MRPS28: variants seen among roughly 807,000 people sequenced by gnomAD.
The protein encoded by MRPS28 is small ribosomal subunit protein bS1m.
MRPS28 carries 7 observed loss-of-function variants against 10.8 expected under a neutral mutation model. The observed-to-expected ratio is 0.65, with a 90% CI of 0.37 to 1.22. MRPS28 has a LOEUF of 1.22. Ranked by LOEUF, MRPS28 falls within the 50% of genes most tolerant of loss-of-function variation. The pLI is 0.02. For synonymous variants in MRPS28, 121 were observed against 93.3 expected (o/e 1.30, Z -1.71); for missense variants, 265 against 232.9 (o/e 1.14, Z -0.90).
At chr8:80,013,454 G>A (rs981388823) in intron 1 of MRPS28, among the ~76,000 whole-genome samples, 5 of 151,688 alleles carry the variant, frequency 3.3e-5, no homozygotes, top group African/African-American at 1.2e-4. Flanking sequence ...GACCAACATG[G>A]GGAAACCCTG....
At chr8:79,968,441 T>C (rs1291613039) in intron 2 of MRPS28, among the ~76,000 whole-genome samples, 1 of 152,144 alleles carries the variant, frequency 6.6e-6, no homozygotes, top group Non-Finnish European at 1.5e-5. Flanking sequence ...AACTTCCCAT[T>C]TGATTCTAGT....
chr8:80,005,498 G>A (rs1230229607), intron 1 of MRPS28, among the ~76,000 whole-genome samples: 2 of 152,164 alleles, frequency 1.3e-5, no homozygotes, highest in Non-Finnish European at 2.9e-5. Flanking sequence ...ACTAAACATG[G>A]AAAGGAACAA....
intron 2 of MRPS28, among the ~76,000 whole-genome samples, chr8:79,972,860 T>G (rs184172352): frequency 6.6e-6 from 1 of 152,202 alleles, no homozygotes. Context: ...ACAAGGGCTA[T>G]AGATAAATGT....
chr8:79,975,495 G>A (rs1454512160), intron 2 of MRPS28, among the ~76,000 whole-genome samples: 1 of 151,932 alleles, frequency 6.6e-6, no homozygotes, highest in Non-Finnish European at 1.5e-5. Context: ...ACAACAAACT[G>A]GAGTAAATTT....
intron 2 of MRPS28, among the ~76,000 whole-genome samples, chr8:79,975,366 T>G (rs1807766834): frequency 6.6e-6 from 1 of 152,164 alleles, no homozygotes; most frequent in African/African-American, 2.4e-5. Flanking sequence ...CACAGACCAC[T>G]ACTTTTACAA....
At chr8:79,995,415 C>T (rs1306865776) in intron 2 of MRPS28, among the ~76,000 whole-genome samples, 1 of 152,170 alleles carries the variant, frequency 6.6e-6, no homozygotes, top group Non-Finnish European at 1.5e-5. Context: ...TGCAAATTCA[C>T]TATAAGAATT....
At position 80,002,730 on chromosome 8, in the gene MRPS28, G is replaced by A. The variant is rs78005829; in HGVS notation, c.395+269C>T. Among the ~76,000 whole-genome samples the A allele has an allele frequency of 6.7e-3, 1,014 of 152,308 alleles. 15 individuals carry two copies. The South Asian group carries it at 0.067, about 10-fold the overall frequency. ...AGCAACATGCATTATTACAAAGTTG[G>A]TTTTAAGTTTATGGTGTGGAATGGC... On this transcript the variant is annotated intron_variant, in intron 2 of 2. Coordinates refer to ENST00000276585, the MANE Select transcript of MRPS28 (RefSeq NM_014018.3).
chr8:79,943,104 C>A (rs767491480), intron 2 of MRPS28, among the ~76,000 whole-genome samples: 2 of 152,202 alleles, frequency 1.3e-5, no homozygotes, highest in African/African-American at 4.8e-5. Flanking sequence ...GCTCTTCCCC[C>A]AGCTGTGAAG....
chr8:79,981,608 A>G (rs1807955589), intron 2 of MRPS28, among the ~76,000 whole-genome samples: 1 of 152,250 alleles, frequency 6.6e-6, no homozygotes, highest in Non-Finnish European at 1.5e-5. Context: ...TTTTGAGGTA[A>G]GACTAACTCT....
At chr8:79,950,431 A>G (rs1807051113) in intron 2 of MRPS28, among the ~76,000 whole-genome samples, 1 of 152,222 alleles carries the variant, frequency 6.6e-6, no homozygotes, top group South Asian at 2.1e-4. Flanking sequence ...AATTCATTAA[A>G]TATACTTTAG....
chr8:79,983,193 A>G (rs1294052200), intron 2 of MRPS28, among the ~76,000 whole-genome samples: 1 of 152,184 alleles, frequency 6.6e-6, no homozygotes, highest in Non-Finnish European at 1.5e-5. Context: ...GCAAACTCCA[A>G]CAGACCTGCA....
chr8:80,003,292 G>T, intron 1 of MRPS28, 112 bp from the exon 2 acceptor site: 1 of 841,804 alleles, frequency 1.2e-6, no homozygotes, highest in Non-Finnish European at 1.7e-6. Context: ...TAAAATATAT[G>T]TGGAATTTTG....
intron 1 of MRPS28, among the ~76,000 whole-genome samples, chr8:80,015,778 G>C (rs972606242): frequency 6.6e-6 from 1 of 152,086 alleles, no homozygotes; most frequent in Non-Finnish European, 1.5e-5. Flanking sequence ...AGACACTAAG[G>C]GCTCTAACGG....
rs150547829 is a variant in MRPS28, at chr8:79,994,849, A to T, written c.395+8150T>A. Among the ~76,000 whole-genome samples the T allele has an allele frequency of 3.3e-3, 502 of 152,090 alleles. 4 individuals carry two copies. Among genetic ancestry groups the T allele is most frequent in the African/African-American group, 0.011 (446 of 41,478 alleles). On this transcript the variant is annotated intron_variant, in intron 2 of 2. Coordinates refer to ENST00000276585, the MANE Select transcript of MRPS28 (RefSeq NM_014018.3). ...CCCCACTCTCCCATCACTCCTCCTA[A>T]ACTTAAGCCAACTAAACCACTTGAA...
intron 1 of MRPS28, among the ~76,000 whole-genome samples, chr8:80,009,645 C>T (rs1379685672): frequency 6.6e-6 from 1 of 151,506 alleles, no homozygotes; most frequent in Non-Finnish European, 1.5e-5. Flanking sequence ...AGAAATTAGG[C>T]ATCTATACTT....
At chr8:80,003,485 A>G (rs1387705273) in intron 1 of MRPS28, among the ~76,000 whole-genome samples, 1 of 152,144 alleles carries the variant, frequency 6.6e-6, no homozygotes, top group Non-Finnish European at 1.5e-5. Context: ...AACATAGAGA[A>G]ACCCTGTCTC....
At chr8:79,992,053 GCCAATAA>G (rs1482148498) in intron 2 of MRPS28, among the ~76,000 whole-genome samples, 1 of 151,910 alleles carries the variant, frequency 6.6e-6, no homozygotes, top group East Asian at 1.9e-4. Flanking sequence ...GAGGCCTCCT[GCCAATAA>G]CCAGCACTAA....
intron 2 of MRPS28, among the ~76,000 whole-genome samples, chr8:79,939,862 C>T (rs374132315): frequency 1.3e-4 from 20 of 151,482 alleles, no homozygotes; most frequent in Middle Eastern, 3.4e-3. Context: ...CCCAGCTACT[C>T]GGGAGGCTGA....
intron 2 of MRPS28, among the ~76,000 whole-genome samples, chr8:79,990,544 C>A (rs191810925): frequency 6.6e-5 from 10 of 152,240 alleles, no homozygotes; most frequent in Admixed American, 1.3e-4. Context: ...AGGATACTAG[C>A]CTATCTAGCA....
Sources: allele counts gnomAD v4.1 joint callset (sites outside exome capture counted in the v4.1 genomes callset), GRCh38; gene constraint gnomAD v4.1.1; transcripts MANE v1.5; gene names NCBI Gene and HGNC (gene_info 2026-07-23, HGNC 2026-07-21).